Variants in MTTP observed in about 807,000 individuals in gnomAD.
The protein encoded by MTTP is microsomal triglyceride transfer protein large subunit.
Under a neutral mutation model 90.6 loss-of-function variants are expected in MTTP, and 49 were observed. That is an observed-to-expected ratio of 0.54 (90% confidence interval 0.43 to 0.69). The LOEUF (loss-of-function observed/expected upper bound fraction) is 0.69. Ranked by LOEUF, MTTP falls within the 30% of genes least tolerant of loss-of-function variation. The probability of loss-of-function intolerance (pLI) is 0.00; values close to 1 mark genes in which losing one functional copy is unlikely to be tolerated. For synonymous variants in MTTP, 347 were observed against 384.2 expected (o/e 0.90, Z 1.13); for missense variants, 945 against 1,067.5 (o/e 0.89, Z 1.60).
At position 99,614,159 on chromosome 4, in the gene MTTP, T is replaced by C. The variant is rs2851224; in HGVS notation, c.2217+1019T>C. 8.0e-4 allele frequency among the ~76,000 whole-genome samples: 122 copies of C among 152,338 alleles called. 3 individuals carry two copies. The highest frequency in any genetic ancestry group is 2.5e-3 in the African/African-American group (105 of 41,586). ...TACATTAATGGATAATAGCCTACGT[T>C]TGAATTTTGCCTCCGTTACCTTCTT... On this transcript the variant is annotated intron_variant, in intron 15 of 17. Transcript: ENST00000265517.
At chr4:99,591,572 AAGAC>A in intron 5 of MTTP, 75 bp from the exon 6 acceptor site, 4 of 1,491,572 alleles carry the variant, frequency 2.7e-6, no homozygotes, top group African/African-American at 1.4e-5. Context: ...TGTAGACTGA[AAGAC>A]AGTTTGCTAT....
rs1177276768 is a variant in MTTP at position 99,591,763 on chromosome 4, A to C, written c.731A>C (p.Gln244Pro). The C allele has an allele frequency of 6.2e-7, 1 of 1,612,910 alleles. No individual in the cohort carries two copies. Among genetic ancestry groups the C allele is most frequent in the African/African-American group, 1.3e-5 (1 of 74,906 alleles). Reference protein sequence around the residue: ...ETHNFGLNFLQTIKGKIVSKQ... With the variant: ...ETHNFGLNFLPTIKGKIVSKQ... The stretch of plus-strand genomic sequence containing the variant: ...CACAATTTTGGACTGAATTTCCTAC[A>C]AACCATTAAGGGGAAAATAGTATCG... Residue 244 changes from glutamine (Q) to proline (P), a missense_variant, in exon 6 of 18, where the codon CAA (glutamine) becomes CCA (proline). By Grantham distance (76) the Gln-to-Pro change is moderately conservative (BLOSUM62 -1). Coordinates refer to ENST00000265517, the MANE Select transcript of MTTP (RefSeq NM_001386140.1).
At chr4:99,565,476 A>C (rs1724659087) in intron 1 of MTTP, among the ~76,000 whole-genome samples, 1 of 152,228 alleles carries the variant, frequency 6.6e-6, no homozygotes, top group Non-Finnish European at 1.5e-5. Context: ...ACATATAGAA[A>C]GTTTAAGACG....
At chr4:99,596,959 CT>C in intron 7 of MTTP, 107 bp from the exon 8 acceptor site, 3 of 1,490,288 alleles carry the variant, frequency 2.0e-6, no homozygotes, top group Non-Finnish European at 2.8e-6. Context: ...CAAAAAGCTG[CT>C]TTCGCTTCAG....
chr4:99,593,498 T>C (rs1459456874), intron 6 of MTTP, among the ~76,000 whole-genome samples: 2 of 152,192 alleles, frequency 1.3e-5, no homozygotes, highest in Non-Finnish European at 2.9e-5. Flanking sequence ...GTTTATCATT[T>C]GAAGACCATT....
At chr4:99,612,793 GT>G in intron 14 of MTTP, 119 bp from the exon 15 acceptor site, 1 of 883,136 alleles carries the variant, frequency 1.1e-6, no homozygotes, top group East Asian at 2.5e-5. Flanking sequence ...GTTTTTAGCT[GT>G]TGCAAATATT....
upstream of MTTP, among the ~76,000 whole-genome samples, chr4:99,571,185 T>G (rs990051125): frequency 1.3e-5 from 2 of 152,036 alleles, no homozygotes; most frequent in Non-Finnish European, 2.9e-5. Flanking sequence ...TTTAAAACAA[T>G]TGGCTTCTTG....
intron 11 of MTTP, among the ~76,000 whole-genome samples, chr4:99,608,318 G>A (rs1483392964): frequency 2.6e-5 from 4 of 152,126 alleles, no homozygotes; most frequent in South Asian, 2.1e-4. Context: ...GGTGGCACAC[G>A]CCTCTAGTCA....
Position 99,623,022 on chromosome 4 carries a change from T to C in MTTP, c.*174T>C. ...TCAAATTTGGGTATATGCAGTATGCTACCCACAGCGTCATTTTGAATCATC... is the reference window on the plus strand; with the variant it reads ...TCAAATTTGGGTATATGCAGTATGCCACCCACAGCGTCATTTTGAATCATC... On this transcript the variant is annotated 3_prime_UTR_variant, in exon 18 of 18. Transcript: ENST00000265517. 1.5e-6 allele frequency: 1 copy of C among 676,782 alleles called. No homozygotes were observed. The highest frequency in any genetic ancestry group is 2.6e-6 in the Non-Finnish European group (1 of 384,612). 41.9% of individuals were successfully genotyped at this position (676,782 alleles called of 1,614,324 possible).
rs1340231623 is a variant in MTTP, at chr4:99,621,158, A to T, written c.2440A>T (p.Ile814Phe). The change falls in exon 17 of 18, where the codon ATC becomes TTC. Residue 814 changes from isoleucine (I) to phenylalanine (F), a missense_variant. By Grantham distance (21) the Ile-to-Phe change is conservative (BLOSUM62 0). Coordinates refer to ENST00000265517, the MANE Select transcript of MTTP (RefSeq NM_001386140.1). The stretch of plus-strand genomic sequence containing the variant: ...AGAAACAGAAGCAGGCTTGGAGTTT[A>T]TCTCCACAGTGCAGTTTTCTCAGTA... Reference protein sequence around the residue: ...STETEAGLEFISTVQFSQYPF... With the variant: ...STETEAGLEFFSTVQFSQYPF... The T allele has an allele frequency of 2.5e-6, 4 of 1,614,112 alleles. No individual in the cohort carries two copies. Among genetic ancestry groups the T allele is most frequent in the Non-Finnish European group, 3.4e-6 (4 of 1,179,972 alleles).
At position 99,601,321 on chromosome 4, in the gene MTTP, C is replaced by CTT. The variant is rs34811849; in HGVS notation, c.1237-268_1237-267dup. On this transcript the variant is annotated intron_variant, in intron 9 of 17. Coordinates refer to ENST00000265517, the MANE Select transcript of MTTP (RefSeq NM_001386140.1). Reference sequence around the variant, plus strand: ...TAAAATTTTATAACCCTCACCCCTCCTTTTTTTTTTTTTTTTTTTGTTCAT... The same window carrying CTT: ...TAAAATTTTATAACCCTCACCCCTCCTTTTTTTTTTTTTTTTTTTTTGTTCAT... Among the ~76,000 whole-genome samples the CTT allele has an allele frequency of 2.5e-3, 318 of 128,172 alleles. 2 individuals are homozygous for CTT. Among genetic ancestry groups the CTT allele is most frequent in the African/African-American group, 9.0e-3 (296 of 32,756 alleles). 84.1% of individuals were successfully genotyped at this position (128,172 alleles called of 152,430 possible).
chr4:99,584,622 A>G (rs566124144), intron 3 of MTTP, among the ~76,000 whole-genome samples: 2 of 148,788 alleles, frequency 1.3e-5, no homozygotes, highest in South Asian at 2.1e-4. Context: ...TTGTCAAAAT[A>G]CTTGCCATGT....
chr4:99,612,793 G>C, intron 14 of MTTP, 120 bp from the exon 15 acceptor site: 1 of 883,136 alleles, frequency 1.1e-6, no homozygotes, highest in Non-Finnish European at 1.8e-6. Flanking sequence ...GTTTTTAGCT[G>C]TTGCAAATAT....
intron 10 of MTTP, among the ~76,000 whole-genome samples, chr4:99,602,290 T>C (rs1725719044): frequency 6.6e-6 from 1 of 152,174 alleles, no homozygotes; most frequent in African/African-American, 2.4e-5. Flanking sequence ...CTATCAATTT[T>C]CACGTCTTTC....
At chr4:99,597,398 C>G (rs1725584714) in intron 8 of MTTP, among the ~76,000 whole-genome samples, 174 bp downstream of exon 8, 2 of 152,236 alleles carry the variant, frequency 1.3e-5, no homozygotes, top group Admixed American at 6.5e-5. Context: ...TTAATGGTCA[C>G]TTGACCAGAA....
chr4:99,596,256 T>G (rs1725549444), intron 7 of MTTP, among the ~76,000 whole-genome samples: 1 of 152,102 alleles, frequency 6.6e-6, no homozygotes. Flanking sequence ...GTTATTACTA[T>G]AGAGTTAGAG....
At chr4:99,583,625 T>A (rs752363618) in intron 3 of MTTP, 108 bp downstream of exon 3, 1 of 1,333,878 alleles carries the variant, frequency 7.5e-7, no homozygotes, top group Admixed American at 1.8e-5. Context: ...TTATGGTAAA[T>A]GGAATTTCTT....
chr4:99,600,735 T>A lies in MTTP; in HGVS notation c.1236+2T>A. On this transcript the variant is annotated splice_donor_variant, in intron 9 of 17. Coordinates refer to ENST00000265517, the MANE Select transcript of MTTP (RefSeq NM_001386140.1). LOFTEE classifies it high-confidence loss of function. ...GAAGAACTCCTGAGAGCCCTCATTGTAAGTCAAATAGAAAATAAAGACCCT... is the reference window on the plus strand; with the variant it reads ...GAAGAACTCCTGAGAGCCCTCATTGAAAGTCAAATAGAAAATAAAGACCCT... 6.2e-7 allele frequency: 1 copy of A among 1,613,302 alleles called. No individual in the cohort carries two copies. The highest frequency in any genetic ancestry group is 8.5e-7 in the Non-Finnish European group (1 of 1,179,442).
intron 15 of MTTP, among the ~76,000 whole-genome samples, chr4:99,618,767 T>C (rs1167302791): frequency 6.6e-6 from 1 of 152,180 alleles, no homozygotes; most frequent in Non-Finnish European, 1.5e-5. Flanking sequence ...GGTATTTTAA[T>C]TGACTAATTA....
Sources: gnomAD v4.1 joint callset for allele counts (sites outside exome capture counted in the v4.1 genomes callset) on GRCh38, gnomAD v4.1.1 for gene constraint, MANE v1.5 for transcripts, NCBI Gene and HGNC (gene_info 2026-07-23, HGNC 2026-07-21) for gene names.